THAP4: variants seen among roughly 807,000 people sequenced by gnomAD.
The protein encoded by THAP4 is THAP domain containing 4.
In THAP4, 18 loss-of-function variants were observed where a neutral mutation model predicts 48.1. The observed-to-expected ratio is 0.37, with a 90% CI of 0.26 to 0.56. The LOEUF (loss-of-function observed/expected upper bound fraction) is 0.56. Among genes scored for constraint, THAP4 ranks in the 20% least tolerant of loss-of-function variants. THAP4 has a pLI of 0.78. For synonymous variants in THAP4, 345 were observed against 324.9 expected, an observed-to-expected ratio of 1.06 and a Z score of -0.66; for missense variants, 656 against 774.9, an observed-to-expected ratio of 0.85 and a Z score of 1.82.
intron 5 of THAP4, among the ~76,000 whole-genome samples, chr2:241,593,141 A>T (rs1370642163): frequency 6.6e-6 from 1 of 152,114 alleles, no homozygotes; most frequent in Non-Finnish European, 1.5e-5. Flanking sequence ...GCTACTTGGG[A>T]GGAAGATGTG....
chr2:241,602,124 G>A (rs1028332466), intron 4 of THAP4, 125 bp from the exon 5 acceptor site: 5 of 849,138 alleles, frequency 5.9e-6, no homozygotes, highest in East Asian at 5.3e-5. Context: ...TGGAAGCAAC[G>A]ATATTTCTCC....
At position 241,601,163 on chromosome 2, in the gene THAP4, A is replaced by G. The variant is rs537326166; in HGVS notation, c.1614+733T>C. Among the ~76,000 whole-genome samples the G allele has an allele frequency of 6.6e-6, 1 of 152,286 alleles. No homozygotes were observed. Among genetic ancestry groups the G allele is most frequent in the African/African-American group, 2.4e-5 (1 of 41,566 alleles). On this transcript the variant is annotated intron_variant, in intron 5 of 5. Transcript: ENST00000407315. This position sits in a 1 kb window ranked among gnomAD's most constrained non-coding sequence, Gnocchi z 4.0. ...CGTGGTGGCGCATGCCTGTAATCCC[A>G]GCTACCCAGGAGGCCGAGGCAGGAG...
chr2:241,604,676 C>T (rs983487206), intron 3 of THAP4, among the ~76,000 whole-genome samples: 4 of 152,148 alleles, frequency 2.6e-5, no homozygotes, highest in African/African-American at 9.7e-5. Context: ...TCCCAAAGTG[C>T]TGGGATTACA....
intron 5 of THAP4, among the ~76,000 whole-genome samples, chr2:241,586,420 C>T (rs927610478): frequency 6.6e-6 from 1 of 152,096 alleles, no homozygotes; most frequent in Non-Finnish European, 1.5e-5. Flanking sequence ...GACCAACAGG[C>T]AGAAGCACAG....
Position 241,636,741 on chromosome 2 carries a change from G to T in THAP4, c.77+200C>A, listed in dbSNP as rs1275675928. Among the ~76,000 whole-genome samples the T allele has an allele frequency of 2.0e-5, 3 of 151,378 alleles. No homozygotes were observed. In the East Asian group the frequency reaches 5.8e-4, roughly 29 times the overall value. ...CAGGGCGGACCCAGGCGGCCGGGGT[G>T]GGGGCGGCTGCGCTGCCCGAGGCGC... On this transcript the variant is annotated intron_variant, in intron 1 of 5. Coordinates refer to ENST00000407315, the MANE Select transcript of THAP4 (RefSeq NM_015963.6).
intron 2 of THAP4, among the ~76,000 whole-genome samples, chr2:241,622,720 C>A (rs1464147728): frequency 6.6e-6 from 1 of 152,158 alleles, no homozygotes. Flanking sequence ...CTACCTCAGC[C>A]TCCTGTGAAG....
intron 1 of THAP4, among the ~76,000 whole-genome samples, chr2:241,634,952 TAG>T (rs2067617158): frequency 1.3e-5 from 2 of 152,300 alleles, no homozygotes; most frequent in African/African-American, 4.8e-5. Context: ...ATCAAATTCA[TAG>T]AGACAGGAGA....
intron 2 of THAP4, among the ~76,000 whole-genome samples, chr2:241,627,149 G>C (rs1235058105): frequency 6.6e-6 from 1 of 152,206 alleles, no homozygotes; most frequent in African/African-American, 2.4e-5. Flanking sequence ...GTGTGGGTAT[G>C]TGTGTCTCAA....
intron 1 of THAP4, among the ~76,000 whole-genome samples, chr2:241,636,299 C>A (rs1224968538): frequency 6.6e-6 from 1 of 152,260 alleles, no homozygotes; most frequent in African/African-American, 2.4e-5. Context: ...GTTCGCGGTT[C>A]TGGTGCCTCC....
chr2:241,636,350 T>A (rs2067654645), intron 1 of THAP4, among the ~76,000 whole-genome samples: 2 of 152,206 alleles, frequency 1.3e-5, no homozygotes, highest in South Asian at 4.1e-4. Context: ...TAGGCTGAAC[T>A]CACAAGGCCT....
chr2:241,626,463 C>T (rs1489188498), intron 2 of THAP4, among the ~76,000 whole-genome samples: 1 of 150,986 alleles, frequency 6.6e-6, no homozygotes, highest in Non-Finnish European at 1.5e-5. Flanking sequence ...AAAAACAAAA[C>T]AAAACAAAAA....
In THAP4 at chr2:241,603,042, G is replaced by T; in HGVS notation, c.1438C>A (p.His480Asn). ...AGGCGAATGAAGCCACACTCTCTGT[G>T]CATCGGCTTGCGCGTGTCCGGGTGG... ...SFHPDTRKPM[H>N]RECGFIRLKP... The change falls in exon 4 of 6, where the codon CAC (histidine) becomes AAC (asparagine). Residue 480 changes from histidine to asparagine, a missense_variant. Coordinates refer to ENST00000407315, the MANE Select transcript of THAP4 (RefSeq NM_015963.6). 2 of 1,614,074 alleles carry T rather than the reference G, an allele frequency of 1.2e-6. No homozygotes were observed. Among genetic ancestry groups the T allele is most frequent in the Non-Finnish European group, 1.7e-6 (2 of 1,179,962 alleles).
intron 2 of THAP4, among the ~76,000 whole-genome samples, chr2:241,624,685 C>G (rs1432415735): frequency 2.6e-5 from 4 of 152,194 alleles, no homozygotes; most frequent in Non-Finnish European, 5.9e-5. Context: ...ATTACATAGG[C>G]ATGATCAATT....
chr2:241,589,076 G>T (rs190882203), intron 5 of THAP4, among the ~76,000 whole-genome samples: 4 of 152,198 alleles, frequency 2.6e-5, no homozygotes, highest in Admixed American at 2.6e-4. Context: ...AGCCGGCCAT[G>T]GTGGTGGGAG....
chr2:241,603,934 T>C (rs1433311682), intron 3 of THAP4, among the ~76,000 whole-genome samples: 2 of 150,950 alleles, frequency 1.3e-5, no homozygotes, highest in African/African-American at 2.4e-5. Context: ...GGTAGATCTC[T>C]TGAGCCTAGG....
Position 241,616,973 on chromosome 2 carries a change from C to T in THAP4, c.1241-10500G>A, listed in dbSNP as rs1278116154. 2.0e-5 allele frequency among the ~76,000 whole-genome samples: 3 copies of T among 152,218 alleles called. No homozygotes were observed. The highest frequency in any genetic ancestry group is 2.9e-5 in the Non-Finnish European group (2 of 68,034). ...TGCTCCTGGGGCCGCTCCCCCTGCA[C>T]CCTCCACCACTTCGGGCCGCGTGGA... On this transcript the variant is annotated intron_variant, in intron 2 of 5. Coordinates refer to ENST00000407315, the MANE Select transcript of THAP4 (RefSeq NM_015963.6). The surrounding 1 kb of genome is among the most constrained non-coding windows in gnomAD (Gnocchi z 4.6).
chr2:241,620,937 A>T (rs536377906), intron 2 of THAP4, among the ~76,000 whole-genome samples: 64 of 152,096 alleles, frequency 4.2e-4, no homozygotes, highest in Non-Finnish European at 8.1e-4. Flanking sequence ...CTACTTTGCA[A>T]CCAAAAATAA....
At position 241,637,054 on chromosome 2, in the gene THAP4, C is replaced by A; in HGVS notation, c.-37G>T. 8.7e-7 allele frequency: 1 copy of A among 1,143,224 alleles called. No individual in the cohort carries two copies. 70.8% of individuals were successfully genotyped at this position (1,143,224 alleles called of 1,614,324 possible). A position where few individuals can be genotyped will look rare whatever the true frequency, so the allele number is the denominator to read the frequency against. ...GCCCAGCCGCGCAGCCAGGCCCCGG[C>A]CCTAGCCGCCCGCCCGCCCGCGGAC... On this transcript the variant is annotated 5_prime_UTR_variant, in exon 1 of 6. Transcript: ENST00000407315.
rs535188855 is a variant in THAP4, at chr2:241,621,871, G to A, written c.1240+11046C>T. ...AAACCAAAGACTAAGAGAATCAAAA[G>A]GAAAAAAAATCCTTACATGTAGAGC... On this transcript the variant is annotated intron_variant, in intron 2 of 5. Coordinates refer to ENST00000407315, the MANE Select transcript of THAP4 (RefSeq NM_015963.6). 1.7e-4 allele frequency among the ~76,000 whole-genome samples: 25 copies of A among 151,200 alleles called. No homozygotes were observed. The East Asian group carries it at 4.8e-3, about 29-fold the overall frequency.
Sources: gnomAD v4.1 joint callset for allele counts (sites outside exome capture counted in the v4.1 genomes callset) on GRCh38, gnomAD v4.1.1 for gene constraint, Gnocchi (gnomAD v3.1) non-coding constraint, MANE v1.5 for transcripts, NCBI Gene and HGNC (gene_info 2026-07-23, HGNC 2026-07-21) for gene names.